The following C2CD5 variants were observed in gnomAD, a reference collection of about 807,000 sequenced individuals.
The protein encoded by C2CD5 is C2 calcium dependent domain containing 5, also known as C2 domain-containing protein 5.
In C2CD5, 109 loss-of-function variants were observed where a neutral mutation model predicts 130.3. The observed-to-expected ratio is 0.84, with a 90% CI of 0.72 to 0.98. The LOEUF (loss-of-function observed/expected upper bound fraction) is 0.98. Among genes scored for constraint, C2CD5 ranks in the 50% least tolerant of loss-of-function variants. C2CD5 has a pLI of 0.00. For synonymous variants in C2CD5, 454 were observed against 429.2 expected (o/e 1.06, Z -0.71); for missense variants, 996 against 1,261.8 (o/e 0.79, Z 3.19).
intron 9 of C2CD5, 145 bp from the exon 10 acceptor site, chr12:22,506,964 AAAGTTT>A: frequency 1.7e-6 from 1 of 573,816 alleles, no homozygotes; most frequent in South Asian, 2.3e-5. Flanking sequence ...TTTGTAATTA[AAAGTTT>A]AATTAAATGT....
At chr12:22,513,262 T>C (rs376524166) in intron 9 of C2CD5, 32 bp downstream of exon 9, 1 of 1,378,186 alleles carries the variant, frequency 7.3e-7, no homozygotes, top group Non-Finnish European at 1.0e-6. Flanking sequence ...ATATTAACAG[T>C]GTAAGAACAA....
At chr12:22,462,422 A>G (rs373865364) in intron 22 of C2CD5, among the ~76,000 whole-genome samples, 58 of 152,290 alleles carry the variant, frequency 3.8e-4, no homozygotes, top group African/African-American at 1.3e-3. Context: ...AAAAGTCACC[A>G]TTAAGTGATA....
intron 9 of C2CD5, among the ~76,000 whole-genome samples, chr12:22,511,381 T>C (rs1228765168): frequency 6.6e-6 from 1 of 152,160 alleles, no homozygotes; most frequent in East Asian, 1.9e-4. Context: ...ACAGAAACCA[T>C]ACTAATGGCA....
intron 22 of C2CD5, among the ~76,000 whole-genome samples, chr12:22,464,232 A>C (rs554233958): frequency 1.3e-5 from 2 of 152,304 alleles, no homozygotes; most frequent in African/African-American, 4.8e-5. Context: ...ATTAGATAAC[A>C]AAGACAATTA....
In C2CD5 at chr12:22,456,994, G is replaced by A. The variant is rs753443673; in HGVS notation, c.2854C>T (p.Arg952Ter). Residue 952 changes from arginine to a stop codon, truncating the protein, a stop_gained, in exon 25 of 27, where the codon CGA becomes TGA. Transcript: ENST00000446597. LOFTEE classifies it high-confidence loss of function. ...ACCTCCCGAAGAGAAGTAGTCTCTC[G>A]AATAAAAAACATGTTAATTATCCCA... ...YLGIINMFFI[R>*]ETTSLREEGG... The A allele has an allele frequency of 1.1e-5, 18 of 1,593,480 alleles. No homozygotes were observed. In the African/African-American group the frequency reaches 1.2e-4, roughly 11 times the overall value.
At chr12:22,456,852 T>C in intron 25 of C2CD5, 119 bp downstream of exon 25, 1 of 598,314 alleles carries the variant, frequency 1.7e-6, no homozygotes, top group East Asian at 3.1e-5. Context: ...ATCCAGATAA[T>C]TAAAATATAA....
At chr12:22,473,021 TA>T (rs1943293049) in intron 16 of C2CD5, among the ~76,000 whole-genome samples, 1 of 152,038 alleles carries the variant, frequency 6.6e-6, no homozygotes, top group Non-Finnish European at 1.5e-5. Context: ...TACACTAAGT[TA>T]AAAAAGAAAA....
chr12:22,541,892 A>G (rs920242302), intron 2 of C2CD5, among the ~76,000 whole-genome samples: 1 of 152,202 alleles, frequency 6.6e-6, no homozygotes, highest in Non-Finnish European at 1.5e-5. Context: ...TTCACCATGT[A>G]TATACATCGG....
At chr12:22,526,637 A>G (rs1950745592) in intron 4 of C2CD5, among the ~76,000 whole-genome samples, 1 of 152,146 alleles carries the variant, frequency 6.6e-6, no homozygotes, top group African/African-American at 2.4e-5. Flanking sequence ...TTTGGGAGGC[A>G]AGGCAGGAGG....
intron 22 of C2CD5, among the ~76,000 whole-genome samples, chr12:22,466,488 T>C (rs1195576028): frequency 6.6e-6 from 1 of 152,172 alleles, no homozygotes; most frequent in Non-Finnish European, 1.5e-5. Context: ...TTCCGCTAAA[T>C]TGCTATTTTT....
At chr12:22,468,685 A>T (rs918521567) in intron 22 of C2CD5, among the ~76,000 whole-genome samples, 1 of 152,202 alleles carries the variant, frequency 6.6e-6, no homozygotes, top group Non-Finnish European at 1.5e-5. Flanking sequence ...GGGTGATCAC[A>T]AAAAGGAAAA....
intron 22 of C2CD5, among the ~76,000 whole-genome samples, chr12:22,462,060 T>C (rs547338696): frequency 6.6e-6 from 1 of 152,318 alleles, no homozygotes; most frequent in South Asian, 2.1e-4. Context: ...GTGATAAGCT[T>C]TTCAAAAGAG....
At chr12:22,472,892 A>C (rs760009942) in intron 16 of C2CD5, 85 bp from the exon 17 acceptor site, 52 of 788,450 alleles carry the variant, frequency 6.6e-5, no homozygotes, top group Non-Finnish European at 1.1e-4. Flanking sequence ...AGAGTCAAGA[A>C]AAGGCAGAGT....
In C2CD5 at chr12:22,457,538, A is replaced by G. The variant is rs192624127; in HGVS notation, c.2687-377T>C. Among the ~76,000 whole-genome samples the G allele has an allele frequency of 9.9e-5, 15 of 152,158 alleles. 2 individuals are homozygous for G. In the East Asian group the frequency reaches 2.9e-3, roughly 29 times the overall value. ...GAAAGTTGTTCTATTTCCCAGTGCA[A>G]TTTTTCCATCTTTTTCAGACGACTT... On this transcript the variant is annotated intron_variant, in intron 24 of 26. Transcript: ENST00000446597.
chr12:22,521,635 A>G (rs1950276631), intron 7 of C2CD5, among the ~76,000 whole-genome samples: 1 of 152,242 alleles, frequency 6.6e-6, no homozygotes, highest in African/African-American at 2.4e-5. Flanking sequence ...GCAGCTGGCA[A>G]TTCTTATCTT....
At chr12:22,543,532 A>G (rs1394312510) in intron 2 of C2CD5, among the ~76,000 whole-genome samples, 10 of 152,224 alleles carry the variant, frequency 6.6e-5, no homozygotes, top group Admixed American at 4.6e-4. Context: ...CCAAGTGCCC[A>G]TAAAGGGCTT....
intron 26 of C2CD5, among the ~76,000 whole-genome samples, chr12:22,450,123 T>C (rs985947073): frequency 1.3e-5 from 2 of 151,996 alleles, no homozygotes; most frequent in Non-Finnish European, 2.9e-5. Flanking sequence ...CTATTAGAGA[T>C]ATACAGTTAA....
At chr12:22,531,754 A>G (rs1442580012) in intron 3 of C2CD5, among the ~76,000 whole-genome samples, 1 of 152,230 alleles carries the variant, frequency 6.6e-6, no homozygotes, top group African/African-American at 2.4e-5. Context: ...ATGAGGTCGT[A>G]ATTTTGAGAA....
chr12:22,525,052 C>G (rs1165147403), intron 5 of C2CD5, among the ~76,000 whole-genome samples: 2 of 152,178 alleles, frequency 1.3e-5, no homozygotes, highest in Non-Finnish European at 2.9e-5. Context: ...CACCACATAG[C>G]AGTTTCAAAA....
Sources: gnomAD v4.1 joint callset for allele counts (sites outside exome capture counted in the v4.1 genomes callset) on GRCh38, gnomAD v4.1.1 for gene constraint, MANE v1.5 for transcripts, NCBI Gene and HGNC (gene_info 2026-07-23, HGNC 2026-07-21) for gene names.